ENTREP2: variants seen among roughly 807,000 people sequenced by gnomAD.
The protein encoded by ENTREP2 is protein ENTREP2.
the ENTREP2 span, among the ~76,000 whole-genome samples, chr15:29,409,026 C>T: frequency 1.3e-5 from 2 of 152,158 alleles, no homozygotes; most frequent in Admixed American, 6.5e-5. Flanking sequence ...TACCCAATTC[C>T]TATTCAAATT....
chr15:29,340,370 G>A, the ENTREP2 span, among the ~76,000 whole-genome samples: 1 of 152,144 alleles, frequency 6.6e-6, no homozygotes, highest in Non-Finnish European at 1.5e-5. Context: ...GTAGACAATG[G>A]GGAAGCATCA....
chr15:29,235,993 C>T, the ENTREP2 span, among the ~76,000 whole-genome samples: 2 of 151,098 alleles, frequency 1.3e-5, no homozygotes, highest in Non-Finnish European at 1.5e-5. Context: ...AAAAAAAACC[C>T]AAAGCAAACA....
the ENTREP2 span, among the ~76,000 whole-genome samples, chr15:29,633,051 C>G: frequency 6.6e-6 from 1 of 152,216 alleles, no homozygotes; most frequent in Admixed American, 6.5e-5. Context: ...GGATTGCATC[C>G]AGCATGAATG....
the ENTREP2 span, among the ~76,000 whole-genome samples, chr15:29,634,095 G>A: frequency 6.6e-6 from 1 of 152,278 alleles, no homozygotes; most frequent in African/African-American, 2.4e-5. Flanking sequence ...CTCTGGTGTG[G>A]TGGCTGGGGA....
chr15:29,195,432 C>G, the ENTREP2 span: 1 of 497,718 alleles, frequency 2.0e-6, no homozygotes, highest in African/African-American at 2.1e-5. Context: ...ACTGCATTCC[C>G]TACACACATG....
At chr15:29,578,406 T>C in the ENTREP2 span, among the ~76,000 whole-genome samples, 7 of 152,278 alleles carry the variant, frequency 4.6e-5, 1 homozygote, top group South Asian at 4.1e-4. Context: ...GTGATTATCA[T>C]TGGAGGGCTG....
At chr15:29,174,692 C>CAAAAAAAAAA in the ENTREP2 span, among the ~76,000 whole-genome samples, 4 of 107,480 alleles carry the variant, frequency 3.7e-5, no homozygotes, top group African/African-American at 2.0e-4. Context: ...TCCAACTAAA[C>CAAAAAAAAAA]AAAACAAAAC....
chr15:29,323,833 G>C, the ENTREP2 span, among the ~76,000 whole-genome samples: 1 of 152,110 alleles, frequency 6.6e-6, no homozygotes. Flanking sequence ...TGAGAGCAGA[G>C]GAAAAACACA....
the ENTREP2 span, chr15:29,267,424 T>C: frequency 6.6e-6 from 1 of 152,206 alleles, no homozygotes; most frequent in Admixed American, 6.5e-5. Flanking sequence ...ATAGCTATTA[T>C]TTTTCTCATT....
chr15:29,620,088 G>A, the ENTREP2 span, among the ~76,000 whole-genome samples: 3 of 152,122 alleles, frequency 2.0e-5, no homozygotes, highest in African/African-American at 7.2e-5. Context: ...GTGGGAACTG[G>A]TTAGAGTTTA....
chr15:29,467,538 A>G, the ENTREP2 span, among the ~76,000 whole-genome samples: 1 of 152,186 alleles, frequency 6.6e-6, no homozygotes, highest in Non-Finnish European at 1.5e-5. Flanking sequence ...GATGCAGGTT[A>G]AGAGGATGCT....
At chr15:29,429,219 A>C in the ENTREP2 span, among the ~76,000 whole-genome samples, 1 of 151,728 alleles carries the variant, frequency 6.6e-6, no homozygotes, top group East Asian at 1.9e-4. Flanking sequence ...CCATCCATCC[A>C]TCCATCCATC....
chr15:29,468,807 T>C, the ENTREP2 span, among the ~76,000 whole-genome samples: 1 of 152,310 alleles, frequency 6.6e-6, no homozygotes, highest in African/African-American at 2.4e-5. Flanking sequence ...AATTATATGA[T>C]AATTAAATCT....
the ENTREP2 span, among the ~76,000 whole-genome samples, chr15:29,455,288 G>A: frequency 6.6e-6 from 1 of 152,208 alleles, no homozygotes; most frequent in East Asian, 1.9e-4. Flanking sequence ...ATCAATGCAC[G>A]ACCATGAATG....
chr15:29,399,957 T>A, the ENTREP2 span, among the ~76,000 whole-genome samples: 2 of 152,116 alleles, frequency 1.3e-5, no homozygotes, highest in African/African-American at 4.8e-5. Context: ...CATTTCAGGG[T>A]GGCAGAGGTG....
At chr15:29,252,374 G>T in the ENTREP2 span, 1 of 1,546,596 alleles carries the variant, frequency 6.5e-7, no homozygotes, top group Non-Finnish European at 8.7e-7. Context: ...TTACCAACTG[G>T]CAGCCTTCTA....
chr15:29,131,397 A>G, the ENTREP2 span, among the ~76,000 whole-genome samples: 1 of 151,638 alleles, frequency 6.6e-6, no homozygotes, highest in African/African-American at 2.4e-5. Flanking sequence ...CCACCAAATT[A>G]AACTCCTAAA....
the ENTREP2 span, among the ~76,000 whole-genome samples, chr15:29,388,581 A>G: frequency 6.6e-6 from 1 of 152,356 alleles, no homozygotes; most frequent in East Asian, 1.9e-4. Flanking sequence ...ATCTAGAACT[A>G]GAAATACCAT....
At chr15:29,433,648 G>A in the ENTREP2 span, among the ~76,000 whole-genome samples, 1 of 152,156 alleles carries the variant, frequency 6.6e-6, no homozygotes, top group African/African-American at 2.4e-5. Context: ...TTCAAAGGCT[G>A]GCCCCACAGC....
Sources: allele counts gnomAD v4.1 joint callset (sites outside exome capture counted in the v4.1 genomes callset), GRCh38; gene constraint gnomAD v4.1.1; transcripts MANE v1.5; gene names NCBI Gene and HGNC (gene_info 2026-07-23, HGNC 2026-07-21).